The following FGF14 variants were observed in gnomAD, a reference collection of about 807,000 sequenced individuals.
FGF14 encodes fibroblast growth factor 14, also known as fibroblast growth factor homologous factor 4.
Under a neutral mutation model 25.5 loss-of-function variants are expected in FGF14, and 5 were observed. The ratio of observed to expected loss-of-function variants is 0.20; its 90% CI spans 0.10 to 0.41. FGF14 has a LOEUF of 0.41. Ranked by LOEUF, FGF14 falls within the 10% of genes least tolerant of loss-of-function variation. FGF14 has a pLI of 1.00. For missense variants in FGF14, 222 were observed against 320.1 expected, an observed-to-expected ratio of 0.69 and a Z score of 2.34; for synonymous variants, 138 against 118.3, an observed-to-expected ratio of 1.17 and a Z score of -1.08.
chr13:102,106,638 G>GA (rs1444316354), intron 1 of FGF14, among the ~76,000 whole-genome samples: 1 of 151,152 alleles, frequency 6.6e-6, no homozygotes, highest in Non-Finnish European at 1.5e-5. Context: ...GAGAGAGAAA[G>GA]AAAGAAAAGA....
chr13:101,987,124 CCTCTAATCTAAT>C (rs1857624279), intron 1 of FGF14, among the ~76,000 whole-genome samples: 1 of 152,114 alleles, frequency 6.6e-6, no homozygotes, highest in Admixed American at 6.6e-5. Flanking sequence ...ACTCTTTCCA[CCTCTAATCTAAT>C]CTCTACTTAG....
rs35081290 is a variant in FGF14, at chr13:101,952,413, CT to C, written c.209-77118del. 1.3e-3 allele frequency among the ~76,000 whole-genome samples: 193 copies of C among 146,750 alleles called. 1 individual carries two copies. The highest frequency in any genetic ancestry group is 7.0e-3 in the Middle Eastern group (2 of 284). On this transcript the variant is annotated intron_variant, in intron 1 of 4. Transcript: ENST00000376131. ...CTGCTTCTTTGTCCGTTTTTGGCTA[CT>C]TTTTTTTTTTTCTGTCTTTATTGTC...
At chr13:102,064,061 A>T (rs1268122307) in intron 1 of FGF14, among the ~76,000 whole-genome samples, 2 of 152,208 alleles carry the variant, frequency 1.3e-5, no homozygotes, top group Non-Finnish European at 2.9e-5. Flanking sequence ...TTGAGCAAGG[A>T]ACATTTAATT....
chr13:102,268,134 A>G (rs967290387), intron 1 of FGF14, among the ~76,000 whole-genome samples: 1 of 152,172 alleles, frequency 6.6e-6, no homozygotes, highest in Non-Finnish European at 1.5e-5. Context: ...AACATCCTTA[A>G]GGACACAAAA....
chr13:102,287,102 A>G (rs1423727612), intron 1 of FGF14, among the ~76,000 whole-genome samples: 1 of 152,198 alleles, frequency 6.6e-6, no homozygotes, highest in Non-Finnish European at 1.5e-5. Context: ...CGTTGTGCAC[A>G]TGTACCCTAG....
At chr13:102,114,195 T>G (rs1188790679) in intron 1 of FGF14, among the ~76,000 whole-genome samples, 1 of 152,258 alleles carries the variant, frequency 6.6e-6, no homozygotes, top group Non-Finnish European at 1.5e-5. Context: ...ATATACCTAT[T>G]GATTACTGTA....
At chr13:102,026,775 GT>G (rs1449742010) in intron 1 of FGF14, among the ~76,000 whole-genome samples, 1 of 151,762 alleles carries the variant, frequency 6.6e-6, no homozygotes, top group African/African-American at 2.4e-5. Context: ...TATTTTGCAT[GT>G]TTTTTCTTAC....
intron 3 of FGF14, among the ~76,000 whole-genome samples, chr13:101,863,508 T>A (rs187873248): frequency 6.6e-6 from 1 of 152,266 alleles, no homozygotes; most frequent in East Asian, 1.9e-4. Context: ...CCTGCCAATG[T>A]CTGAGTAAAT....
At chr13:102,140,748 C>T (rs1277918516) in intron 1 of FGF14, among the ~76,000 whole-genome samples, 2 of 152,040 alleles carry the variant, frequency 1.3e-5, no homozygotes, top group Admixed American at 1.3e-4. Context: ...GAAACTCTGC[C>T]CCCAGTACTC....
chr13:102,372,879 T>C (rs184806805), intron 1 of FGF14, among the ~76,000 whole-genome samples: 165 of 152,262 alleles, frequency 1.1e-3, no homozygotes, highest in Non-Finnish European at 2.1e-3. Flanking sequence ...ACTATAAATC[T>C]TCATAACATT....
chr13:101,960,048 C>G (rs1201709541), intron 1 of FGF14, among the ~76,000 whole-genome samples: 2 of 152,146 alleles, frequency 1.3e-5, no homozygotes, highest in East Asian at 3.8e-4. Context: ...AATAAAATGT[C>G]AAATTATCAA....
intron 1 of FGF14, among the ~76,000 whole-genome samples, chr13:102,313,366 C>G (rs1375468453): frequency 3.3e-5 from 5 of 152,128 alleles, no homozygotes; most frequent in African/African-American, 1.2e-4. Flanking sequence ...CTGAGTCTCA[C>G]GAGGTAACAT....
chr13:102,261,822 A>G (rs1292339801), intron 1 of FGF14, among the ~76,000 whole-genome samples: 3 of 152,230 alleles, frequency 2.0e-5, no homozygotes, highest in Non-Finnish European at 4.4e-5. Flanking sequence ...AATAGGGGGT[A>G]CCCAGTAGGT....
At chr13:102,166,355 A>G (rs986147129) in intron 1 of FGF14, among the ~76,000 whole-genome samples, 1 of 152,042 alleles carries the variant, frequency 6.6e-6, no homozygotes, top group Non-Finnish European at 1.5e-5. Flanking sequence ...TACAATTTAT[A>G]TTATAACCCC....
At chr13:102,034,256 C>T (rs75286568) in intron 1 of FGF14, among the ~76,000 whole-genome samples, 6,877 of 152,204 alleles carry the variant, frequency 0.045, 494 homozygotes, top group African/African-American at 0.16. Flanking sequence ...GACAAGTCAT[C>T]ACATTACAAG....
intron 1 of FGF14, among the ~76,000 whole-genome samples, chr13:101,928,050 A>C (rs1009792551): frequency 1.3e-5 from 2 of 152,188 alleles, no homozygotes; most frequent in African/African-American, 4.8e-5. Flanking sequence ...TCTCTAGAAG[A>C]AGCTACTTTT....
chr13:102,140,054 C>CCCT (rs1555365033), intron 1 of FGF14, among the ~76,000 whole-genome samples: 3 of 145,798 alleles, frequency 2.1e-5, no homozygotes, highest in African/African-American at 7.7e-5. Context: ...CCCCCCCCCC[C>CCCT]CCTTACAGCA....
At chr13:102,151,875 A>G (rs992824755) in intron 1 of FGF14, among the ~76,000 whole-genome samples, 5 of 152,174 alleles carry the variant, frequency 3.3e-5, no homozygotes, top group Non-Finnish European at 7.3e-5. Context: ...TAATATTTAT[A>G]TTTATGTAAC....
intron 1 of FGF14, among the ~76,000 whole-genome samples, chr13:102,159,747 A>C (rs2047535982): frequency 6.6e-6 from 1 of 152,206 alleles, no homozygotes; most frequent in Non-Finnish European, 1.5e-5. Flanking sequence ...TACAACATAC[A>C]GTTAGTATTG....
Sources: allele counts gnomAD v4.1 joint callset (sites outside exome capture counted in the v4.1 genomes callset), GRCh38; gene constraint gnomAD v4.1.1; transcripts MANE v1.5; gene names NCBI Gene and HGNC (gene_info 2026-07-23, HGNC 2026-07-21).